CCL20: variants seen among roughly 807,000 people sequenced by gnomAD.
The protein encoded by CCL20 is C-C motif chemokine ligand 20.
CCL20 carries 8 observed loss-of-function variants against 10.8 expected under a neutral mutation model. That is an observed-to-expected ratio of 0.74 (90% CI 0.44 to 1.34). The LOEUF (loss-of-function observed/expected upper bound fraction) is 1.34. CCL20 is among the 40% of genes most tolerant of loss of function. The pLI, the probability that CCL20 is intolerant of heterozygous loss-of-function variation, is 0.01. For missense variants in CCL20, 107 were observed against 117.9 expected, an observed-to-expected ratio of 0.91 and a Z score of 0.43; for synonymous variants, 40 against 39.4, an observed-to-expected ratio of 1.02 and a Z score of -0.06.
At chr2:227,816,638 T>C (rs1009741282) in intron 3 of CCL20, among the ~76,000 whole-genome samples, 2 of 152,254 alleles carry the variant, frequency 1.3e-5, no homozygotes, top group African/African-American at 4.8e-5. Context: ...ACTAGCTGCC[T>C]GATTCTTGTT....
At chr2:227,815,372 A>G in intron 1 of CCL20, 82 bp from the exon 2 acceptor site, 1 of 715,220 alleles carries the variant, frequency 1.4e-6, no homozygotes, top group Non-Finnish European at 2.4e-6. Context: ...ATTTTTCACA[A>G]CTTAAGGTAG....
At chr2:227,814,319 A>G (rs1689989738) in intron 1 of CCL20, among the ~76,000 whole-genome samples, 1 of 152,066 alleles carries the variant, frequency 6.6e-6, no homozygotes, top group African/African-American at 2.4e-5. Context: ...AATGTAGAGA[A>G]TCCTCCTGTG....
chr2:227,815,801 T>G, intron 2 of CCL20: 1 of 380,966 alleles, frequency 2.6e-6, no homozygotes, highest in Non-Finnish European at 4.7e-6. Context: ...TTTAAAAATT[T>G]TTTTTGGTCA....
In CCL20 at chr2:227,817,285, AT is replaced by A. The variant is rs1690036394; in HGVS notation, c.*206del. The A allele has an allele frequency of 1.0e-5, 4 of 390,464 alleles. No homozygotes were observed. Among genetic ancestry groups the A allele is most frequent in the Non-Finnish European group, 9.4e-6 (2 of 212,974 alleles). 24.2% of individuals were successfully genotyped at this position (390,464 alleles called of 1,614,324 possible). On this transcript the variant is annotated 3_prime_UTR_variant, in exon 4 of 4. Coordinates refer to ENST00000358813, the MANE Select transcript of CCL20 (RefSeq NM_004591.3). ...AAGCATCACATTAAAGTTAAACTGT[AT>A]TTTATGTTATTTATAGCTGTAGGTT...
intron 2 of CCL20, chr2:227,815,983 T>C (rs1275548829): frequency 1.1e-5 from 3 of 266,846 alleles, no homozygotes; most frequent in South Asian, 7.9e-5. Context: ...TTGATTTATA[T>C]AGGATATTAT....
chr2:227,814,246 A>T (rs1453981278), intron 1 of CCL20, among the ~76,000 whole-genome samples: 3 of 152,182 alleles, frequency 2.0e-5, no homozygotes, highest in African/African-American at 7.2e-5. Context: ...GGATAAAGCC[A>T]AAGTGATGTT....
chr2:227,816,246 G>A, intron 2 of CCL20, 61 bp from the exon 3 acceptor site: 1 of 927,280 alleles, frequency 1.1e-6, no homozygotes, highest in Admixed American at 1.9e-5. Context: ...TCCATTGTAT[G>A]TTCTATGAAA....
At position 227,817,549 on chromosome 2, in the gene CCL20, A is replaced by T. The variant is rs1016308343; in HGVS notation, c.*466A>T. On this transcript the variant is annotated 3_prime_UTR_variant, in exon 4 of 4. Transcript: ENST00000358813. ...AGACAAATATTGAAAATAAAGAAAC[A>T]AAAAGTTCTTCTGTTGATTGAGTTT... The T allele has an allele frequency of 2.0e-5, 3 of 152,212 alleles. No individual in the cohort carries two copies. Among genetic ancestry groups the T allele is most frequent in the African/African-American group, 7.2e-5 (3 of 41,454 alleles). 9.4% of individuals were successfully genotyped at this position (152,212 alleles called of 1,614,324 possible). A position where few individuals can be genotyped will look rare whatever the true frequency, so the allele number is the denominator to read the frequency against.
rs1164052077 is a variant in CCL20 at position 227,815,451 on chromosome 2, T to C, written c.77-3T>C. The C allele has an allele frequency of 6.6e-7, 1 of 1,503,930 alleles. No homozygotes were observed. The highest frequency in any genetic ancestry group is 1.2e-5 in the South Asian group (1 of 84,836). 93.2% of individuals were successfully genotyped at this position (1,503,930 alleles called of 1,614,324 possible). A position where few individuals can be genotyped will look rare whatever the true frequency, so the allele number is the denominator to read the frequency against. On this transcript the variant is annotated splice_region_variant and splice_polypyrimidine_tract_variant and intron_variant, in intron 1 of 3. Transcript: ENST00000358813. ...AATACCTTTCACTTTTTTTTTTTTTTAGCAGCAAGCAACTTTGACTGCTGT... is the reference window on the plus strand; with the variant it reads ...AATACCTTTCACTTTTTTTTTTTTTCAGCAGCAAGCAACTTTGACTGCTGT...
rs1408704172 is a variant in CCL20 at position 227,817,200 on chromosome 2, C to G, written c.*117C>G. On this transcript the variant is annotated 3_prime_UTR_variant, in exon 4 of 4. Transcript: ENST00000358813. ...GGTTTAGTGCTTATCTAATTTGTGC[C>G]TCACTGGACTTGTCCAATTAATGAA... 1 of 691,794 alleles carries G rather than the reference C, an allele frequency of 1.4e-6. No individual in the cohort carries two copies. Among genetic ancestry groups the G allele is most frequent in the East Asian group, 2.6e-5 (1 of 38,220 alleles). 42.9% of individuals were successfully genotyped at this position (691,794 alleles called of 1,614,324 possible).
rs111782699 is a variant in CCL20, at chr2:227,815,947, T to G, written c.192-360T>G. The G allele has an allele frequency of 7.9e-3, 1,903 of 241,678 alleles. 39 individuals carry two copies. Among genetic ancestry groups the G allele is most frequent in the African/African-American group, 0.04 (1,758 of 44,174 alleles). 15.0% of individuals were successfully genotyped at this position (241,678 alleles called of 1,614,324 possible). On this transcript the variant is annotated intron_variant, in intron 2 of 3. Transcript: ENST00000358813. ...TGAGACCAAAAGTAAAATCTCAGAC[T>G]AATTATACTATCACATATAATTTTC...
At position 227,815,558 on chromosome 2, in the gene CCL20, A is replaced by G; in HGVS notation, c.181A>G (p.Asn61Asp). ...GCTGGCCAATGAAGGCTGTGACATC[A>G]ATGCTATCATGTAAGTTATTAATTG... ...RQLANEGCDI[N>D]AIIFHTKKKL... The change falls in exon 2 of 4, where the codon AAT (asparagine) becomes GAT (aspartate). Residue 61 changes from asparagine to aspartate, a missense_variant. Asn to Asp is a conservative substitution (Grantham distance 23). Transcript: ENST00000358813. 6.4e-7 allele frequency: 1 copy of G among 1,560,844 alleles called. No homozygotes were observed. Among genetic ancestry groups the G allele is most frequent in the Non-Finnish European group, 8.8e-7 (1 of 1,134,214 alleles).
intron 2 of CCL20, 37 bp downstream of exon 2, chr2:227,815,605 G>T (rs370509080): frequency 4.4e-6 from 5 of 1,136,706 alleles, no homozygotes; most frequent in Non-Finnish European, 6.5e-6. Context: ...GTTGTATCAG[G>T]AATACCTAGA....
intron 2 of CCL20, 163 bp from the exon 3 acceptor site, chr2:227,816,120 AGAAAGAGAGAATCACTTTGATTTT>A (rs1184329191): frequency 3.5e-4 from 193 of 550,034 alleles, no homozygotes; most frequent in African/African-American, 3.3e-3. Context: ...TACATTGCAG[AGAAAGAGAGAATCACTTTGATTTT>A]GCATTAATCT....
chr2:227,815,230 C>T (rs558062984), intron 1 of CCL20: 12 of 356,828 alleles, frequency 3.4e-5, no homozygotes, highest in South Asian at 2.9e-4. Flanking sequence ...CAAAACTTCT[C>T]GGCACACAAA....
rs773319304 is a variant in CCL20, at chr2:227,816,352, G to A, written c.237G>A (p.Gln79=). The change falls in exon 3 of 4, where the codon CAG becomes CAA. Residue 79 remains glutamine, a synonymous_variant. Transcript: ENST00000358813. ...TGTCTGTGTGCGCAAATCCAAAACA[G>A]ACTTGGGTGAAATATATTGTGCGTC... is the stretch of plus-strand genomic sequence containing the variant. ...KKLSVCANPK[Q]TWVKYIVRLL... is the part of the protein sequence containing the mutation. 1.9e-6 allele frequency: 3 copies of A among 1,610,252 alleles called. No homozygotes were observed. The highest frequency in any genetic ancestry group is 2.2e-5 in the East Asian group (1 of 44,844).
chr2:227,813,997 G>A lies in CCL20; in HGVS notation c.76+10G>A, dbSNP rs1307986926. ...TGCGGCGAATCAGAAGGTAAGTGTC[G>A]CTCTTTCCGCTAGCACAGAAGAAAG... is the stretch of plus-strand genomic sequence containing the variant. On this transcript the variant is annotated intron_variant, in intron 1 of 3. Transcript: ENST00000358813. The A allele has an allele frequency of 4.3e-6, 7 of 1,609,362 alleles. No homozygotes were observed. Among genetic ancestry groups the A allele is most frequent in the South Asian group, 1.1e-5 (1 of 91,018 alleles).
chr2:227,814,573 A>C (rs1689994609), intron 1 of CCL20, among the ~76,000 whole-genome samples: 1 of 119,522 alleles, frequency 8.4e-6, no homozygotes, highest in South Asian at 3.1e-4. Flanking sequence ...ATTCCTAAAA[A>C]TGCACATTGA....
rs1690024309 is a variant in CCL20 at position 227,816,287 on chromosome 2, C to G, written c.192-20C>G. ...ATTGAAAAGCTCATTAAACACAAAT[C>G]AAATTTTCTGATTTTTCAGCTTTCA... On this transcript the variant is annotated intron_variant, in intron 2 of 3. Transcript: ENST00000358813. 6.5e-7 allele frequency: 1 copy of G among 1,529,424 alleles called. No homozygotes were observed. Among genetic ancestry groups the G allele is most frequent in the Non-Finnish European group, 9.1e-7 (1 of 1,104,764 alleles). 94.7% of individuals were successfully genotyped at this position (1,529,424 alleles called of 1,614,324 possible). A position where few individuals can be genotyped will look rare whatever the true frequency, so the allele number is the denominator to read the frequency against.
Sources: allele counts gnomAD v4.1 joint callset (sites outside exome capture counted in the v4.1 genomes callset), GRCh38; gene constraint gnomAD v4.1.1; transcripts MANE v1.5; gene names NCBI Gene and HGNC (gene_info 2026-07-23, HGNC 2026-07-21).